The following NKAIN3 variants were observed in gnomAD, a reference collection of about 807,000 sequenced individuals.
NKAIN3 encodes sodium/potassium transporting ATPase interacting 3.
Under a neutral mutation model 30.2 loss-of-function variants are expected in NKAIN3, and 25 were observed. The observed-to-expected ratio is 0.83, with a 90% CI of 0.60 to 1.16. The LOEUF is 1.16. Among genes scored for constraint, NKAIN3 ranks in the 50% most tolerant of loss-of-function variants. The pLI, the probability that NKAIN3 is intolerant of heterozygous loss-of-function variation, is 0.00. For synonymous variants in NKAIN3, 91 were observed against 89.6 expected (o/e 1.02, Z -0.09); for missense variants, 225 against 254.1 (o/e 0.89, Z 0.78).
intron 3 of NKAIN3, among the ~76,000 whole-genome samples, chr8:62,705,724 T>A (rs906513290): frequency 2.0e-5 from 3 of 152,184 alleles, no homozygotes; most frequent in African/African-American, 7.2e-5. Flanking sequence ...AATTTTTCGC[T>A]TGTGCACTTA....
chr8:62,776,684 T>C (rs1200403360), intron 4 of NKAIN3, among the ~76,000 whole-genome samples: 1 of 152,178 alleles, frequency 6.6e-6, no homozygotes, highest in African/African-American at 2.4e-5. Context: ...GTTGTACTTA[T>C]TATTTTTGAT....
chr8:62,558,843 A>T (rs566473162), intron 1 of NKAIN3, among the ~76,000 whole-genome samples: 6 of 151,996 alleles, frequency 3.9e-5, no homozygotes, highest in African/African-American at 1.4e-4. Context: ...CCCTCTCAAC[A>T]TGTTTAAGCT....
At chr8:62,894,166 T>C (rs1280453088) in intron 4 of NKAIN3, among the ~76,000 whole-genome samples, 1 of 152,204 alleles carries the variant, frequency 6.6e-6, no homozygotes, top group Non-Finnish European at 1.5e-5. Flanking sequence ...TTTTGATTAT[T>C]TGTATAGTGA....
chr8:62,742,086 T>C (rs1815919756), intron 3 of NKAIN3, among the ~76,000 whole-genome samples: 1 of 151,684 alleles, frequency 6.6e-6, no homozygotes, highest in Non-Finnish European at 1.5e-5. Flanking sequence ...GGCAGATTAA[T>C]AAGAAACTTG....
intron 4 of NKAIN3, among the ~76,000 whole-genome samples, chr8:62,849,295 CTTTT>C (rs71255367): frequency 1.1e-4 from 12 of 106,062 alleles, no homozygotes; most frequent in African/African-American, 1.1e-4. Context: ...TGGTCCTGGG[CTTTT>C]TTTTTTTTTT....
At chr8:62,743,091 C>T (rs1815957313) in intron 3 of NKAIN3, among the ~76,000 whole-genome samples, 1 of 152,188 alleles carries the variant, frequency 6.6e-6, no homozygotes, top group Admixed American at 6.5e-5. Context: ...ATGGGAACTA[C>T]AATTCAAGAT....
At chr8:62,331,934 G>A (rs990710230) in intron 1 of NKAIN3, among the ~76,000 whole-genome samples, 17 of 152,016 alleles carry the variant, frequency 1.1e-4, no homozygotes, top group Non-Finnish European at 5.9e-5. Context: ...TTTGAAGTCT[G>A]GGGGACATCC....
intron 5 of NKAIN3, among the ~76,000 whole-genome samples, chr8:62,952,089 C>T (rs1282108075): frequency 6.6e-6 from 1 of 152,092 alleles, no homozygotes; most frequent in Non-Finnish European, 1.5e-5. Context: ...CATGAACCAC[C>T]ATGCCCAGCA....
intron 4 of NKAIN3, among the ~76,000 whole-genome samples, chr8:62,857,295 G>A (rs193231021): frequency 6.6e-5 from 10 of 152,046 alleles, no homozygotes; most frequent in African/African-American, 1.7e-4. Flanking sequence ...GTTTCATTTC[G>A]ACCTTAGAGA....
chr8:62,513,234 G>T (rs1481994413), intron 1 of NKAIN3, among the ~76,000 whole-genome samples: 1 of 151,560 alleles, frequency 6.6e-6, no homozygotes, highest in African/African-American at 2.4e-5. Flanking sequence ...GTGATAAATA[G>T]ATGCCTCACA....
intron 4 of NKAIN3, among the ~76,000 whole-genome samples, chr8:62,862,194 T>C (rs2130788948): frequency 6.6e-6 from 1 of 152,246 alleles, no homozygotes; most frequent in South Asian, 2.1e-4. Flanking sequence ...CTCATTTACA[T>C]GGCAGATCCG....
chr8:62,696,296 G>T (rs891409127), intron 3 of NKAIN3, among the ~76,000 whole-genome samples: 3 of 152,204 alleles, frequency 2.0e-5, no homozygotes, highest in Admixed American at 6.5e-5. Flanking sequence ...TCTAAATCTG[G>T]ATTAAAAGAT....
At chr8:62,800,762 G>T (rs1012230174) in intron 4 of NKAIN3, among the ~76,000 whole-genome samples, 6 of 152,304 alleles carry the variant, frequency 3.9e-5, no homozygotes, top group Admixed American at 3.9e-4. Context: ...CAGACAGTGG[G>T]TGCAGGTCAG....
intron 4 of NKAIN3, among the ~76,000 whole-genome samples, chr8:62,869,735 C>A (rs949879623): frequency 1.2e-4 from 18 of 151,888 alleles, no homozygotes; most frequent in African/African-American, 1.9e-4. Flanking sequence ...GCACTGTCAG[C>A]CCCGTTTTTT....
At chr8:62,923,362 A>C (rs1027299892) in intron 5 of NKAIN3, among the ~76,000 whole-genome samples, 12 of 152,214 alleles carry the variant, frequency 7.9e-5, no homozygotes, top group African/African-American at 2.9e-4. Context: ...TGTTGAGTTT[A>C]TAGTGTTAAA....
chr8:62,722,271 G>C (rs1815116904), intron 3 of NKAIN3, among the ~76,000 whole-genome samples: 1 of 152,178 alleles, frequency 6.6e-6, no homozygotes, highest in Non-Finnish European at 1.5e-5. Flanking sequence ...TCAAGTTGTT[G>C]AGATTAATCT....
chr8:62,785,186 A>T (rs987680240), intron 4 of NKAIN3, among the ~76,000 whole-genome samples: 4 of 152,184 alleles, frequency 2.6e-5, no homozygotes, highest in African/African-American at 9.6e-5. Context: ...TTTACTCATA[A>T]CAGCCAAACC....
At chr8:62,301,287 A>G (rs1814042385) in intron 1 of NKAIN3, among the ~76,000 whole-genome samples, 1 of 152,126 alleles carries the variant, frequency 6.6e-6, no homozygotes, top group South Asian at 2.1e-4. Context: ...AAACTTTAGA[A>G]AAATTAAATT....
intron 1 of NKAIN3, among the ~76,000 whole-genome samples, chr8:62,506,230 G>GC (rs1554540919): frequency 8.1e-4 from 115 of 142,054 alleles, no homozygotes; most frequent in Non-Finnish European, 1.6e-3. Context: ...GAGAATATTG[G>GC]GGGGGGGGAC....
Sources: allele counts gnomAD v4.1 joint callset (sites outside exome capture counted in the v4.1 genomes callset), GRCh38; gene constraint gnomAD v4.1.1; transcripts MANE v1.5; gene names NCBI Gene and HGNC (gene_info 2026-07-23, HGNC 2026-07-21).